The following XPNPEP2 variants were observed in gnomAD, a reference collection of about 807,000 sequenced individuals.
XPNPEP2 encodes the protein xaa-Pro aminopeptidase 2.
Under a neutral mutation model 59.8 loss-of-function variants are expected in XPNPEP2, and 64 were observed. The observed-to-expected ratio is 1.07, with a 90% confidence interval of 0.87 to 1.32. The LOEUF (loss-of-function observed/expected upper bound fraction) is 1.32, where lower values mean the gene tolerates loss of function less well. Ranked by LOEUF, XPNPEP2 falls within the 40% of genes most tolerant of loss-of-function variation. The pLI, the probability that XPNPEP2 is intolerant of heterozygous loss-of-function variation, is 0.00. For synonymous variants in XPNPEP2, 235 were observed against 210.0 expected, an observed-to-expected ratio of 1.12 and a Z score of -1.03; for missense variants, 575 against 546.8, an observed-to-expected ratio of 1.05 and a Z score of -0.51.
chrX:129,764,919 A>G (rs983488616), intron 19 of XPNPEP2, among the ~76,000 whole-genome samples: 1 of 111,321 alleles, frequency 9.0e-6, no homozygotes, highest in African/African-American at 3.3e-5. Flanking sequence ...AGCCAAGATC[A>G]CACCACTGCA....
chrX:129,740,957 G>C (rs1040466657), intron 1 of XPNPEP2, among the ~76,000 whole-genome samples: 1 of 107,303 alleles, frequency 9.3e-6, no homozygotes, highest in Non-Finnish European at 1.9e-5. Context: ...AAAAAAAGGA[G>C]GGGGGGCGGG....
chrX:129,756,574 C>T lies in XPNPEP2; in HGVS notation c.1367+19C>T, dbSNP rs753321203. 2.5e-6 allele frequency: 3 copies of T among 1,204,896 alleles called. No individual in the cohort carries two copies. Among genetic ancestry groups the T allele is most frequent in the Non-Finnish European group, 3.4e-6 (3 of 889,435 alleles). On this transcript the variant is annotated intron_variant, in intron 14 of 20. Coordinates refer to ENST00000371106, the MANE Select transcript of XPNPEP2 (RefSeq NM_003399.6). ...AGTACTGGTATGTACCCCGACCTCA[C>T]CCTAGCCTGGATGTCTCTGCTCAGA...
chrX:129,751,535 G>GAAGA (rs1178245774), intron 8 of XPNPEP2, among the ~76,000 whole-genome samples: 761 of 50,834 alleles, frequency 0.015, 32 homozygotes, highest in Non-Finnish European at 0.02. Flanking sequence ...AGAAAGAAAG[G>GAAGA]AAGAAAGAAA....
intron 17 of XPNPEP2, 48 bp downstream of exon 17, chrX:129,761,324 C>A (rs769516460): frequency 1.9e-6 from 2 of 1,047,015 alleles, no homozygotes; most frequent in African/African-American, 3.7e-5. Context: ...TTTATTATAC[C>A]CTCTATGAAG....
intron 12 of XPNPEP2, among the ~76,000 whole-genome samples, chrX:129,754,920 C>T (rs1434475993): frequency 9.0e-6 from 1 of 111,532 alleles, no homozygotes; most frequent in Non-Finnish European, 1.9e-5. Context: ...CTTGAGAATA[C>T]CAGGTAGGGA....
chrX:129,743,928 T>C, intron 2 of XPNPEP2, 33 bp from the exon 3 acceptor site: 1 of 1,167,094 alleles, frequency 8.6e-7, no homozygotes, highest in Non-Finnish European at 1.2e-6. Context: ...TATCTGTTTG[T>C]TTGTGTCTCA....
chrX:129,743,076 C>T (rs1926228077), intron 2 of XPNPEP2, among the ~76,000 whole-genome samples: 1 of 112,000 alleles, frequency 8.9e-6, no homozygotes, highest in Admixed American at 9.4e-5. Flanking sequence ...AAGGGGTAGG[C>T]ATGCCAGCAG....
intron 12 of XPNPEP2, 140 bp downstream of exon 12, chrX:129,754,721 A>G (rs1926486016): frequency 1.8e-6 from 1 of 549,930 alleles, no homozygotes; most frequent in Non-Finnish European, 2.9e-6. Flanking sequence ...GCTCTGGAGA[A>G]CAAGGAGTGA....
intron 14 of XPNPEP2, among the ~76,000 whole-genome samples, chrX:129,757,789 A>G (rs1477785869): frequency 2.1e-5 from 2 of 95,636 alleles, no homozygotes; most frequent in Non-Finnish European, 4.1e-5. Context: ...GAGCAAGACT[A>G]TAAAAGGAAG....
chrX:129,767,893 A>G (rs770496689), intron 20 of XPNPEP2, among the ~76,000 whole-genome samples: 57 of 110,906 alleles, frequency 5.1e-4, no homozygotes, highest in South Asian at 1.5e-3. Context: ...AGCCTGCCCA[A>G]CCCCAGGTAG....
Position 129,767,976 on chromosome X carries a change from C to T in XPNPEP2, c.1830+284C>T, listed in dbSNP as rs151104613. ...CAAGGCCTGGAACTATAAGTGATCC[C>T]TTCTATTCTTTTGCCTCAGTCTCCT... On this transcript the variant is annotated intron_variant, in intron 20 of 20. Coordinates refer to ENST00000371106, the MANE Select transcript of XPNPEP2 (RefSeq NM_003399.6). Among the ~76,000 whole-genome samples the T allele has an allele frequency of 3.3e-3, 366 of 111,913 alleles. 1 individual carries two copies. Among genetic ancestry groups the T allele is most frequent in the African/African-American group, 0.012 (357 of 30,801 alleles).
At chrX:129,742,015 G>A in intron 1 of XPNPEP2, 93 bp from the exon 2 acceptor site, 1 of 821,472 alleles carries the variant, frequency 1.2e-6, no homozygotes, top group Non-Finnish European at 1.8e-6. Context: ...TCAAAGGATG[G>A]AGGCCCCGTG....
In XPNPEP2 at chrX:129,768,566, C is replaced by A. The variant is rs935015268; in HGVS notation, c.*81C>A. 5 of 872,992 alleles carry A rather than the reference C, an allele frequency of 5.7e-6. No individual in the cohort carries two copies. In the East Asian group the frequency reaches 1.8e-4, roughly 32 times the overall value. 71.9% of individuals were successfully genotyped at this position (872,992 alleles called of 1,213,427 possible). A position where few individuals can be genotyped will look rare whatever the true frequency, so the allele number is the denominator to read the frequency against. Reference sequence around the variant, plus strand: ...CTCCCCTCACCCTGCACTGAACATACCCCAAGAGCCCCTGCTGGCCCATTG... The same window carrying A: ...CTCCCCTCACCCTGCACTGAACATAACCCAAGAGCCCCTGCTGGCCCATTG... On this transcript the variant is annotated 3_prime_UTR_variant, in exon 21 of 21. Coordinates refer to ENST00000371106, the MANE Select transcript of XPNPEP2 (RefSeq NM_003399.6).
At chrX:129,739,980 T>C (rs964265417) in intron 1 of XPNPEP2, among the ~76,000 whole-genome samples, 2 of 112,461 alleles carry the variant, frequency 1.8e-5, no homozygotes, top group African/African-American at 6.5e-5. Context: ...CAGGGCCTGA[T>C]CAGTCACTCA....
At chrX:129,759,334 C>G in intron 15 of XPNPEP2, 94 bp downstream of exon 15, 1 of 1,076,539 alleles carries the variant, frequency 9.3e-7, no homozygotes, top group Admixed American at 2.3e-5. Context: ...AAAACTGAAG[C>G]TCAGAGAGGT....
chrX:129,739,675 G>A (rs1169421433), intron 1 of XPNPEP2, among the ~76,000 whole-genome samples: 4 of 111,794 alleles, frequency 3.6e-5, no homozygotes, highest in African/African-American at 6.5e-5. Context: ...TTGCTAAACC[G>A]ACTGAACAGC....
chrX:129,742,494 G>T (rs777001921), intron 2 of XPNPEP2, among the ~76,000 whole-genome samples: 2 of 109,418 alleles, frequency 1.8e-5, no homozygotes, highest in East Asian at 5.7e-4. Flanking sequence ...AGGAGGGCAG[G>T]AGGCCCCTAA....
intron 2 of XPNPEP2, among the ~76,000 whole-genome samples, chrX:129,742,990 C>T (rs1411938553): frequency 1.8e-5 from 2 of 111,827 alleles, no homozygotes; most frequent in South Asian, 3.7e-4. Context: ...GAGGAAAAGG[C>T]CCAGCAGAAG....
At chrX:129,758,767 T>C (rs1602908966) in intron 14 of XPNPEP2, among the ~76,000 whole-genome samples, 1 of 112,052 alleles carries the variant, frequency 8.9e-6, no homozygotes, top group African/African-American at 3.2e-5. Context: ...TATCTGAATA[T>C]GAGAGTGTTA....
Sources: gnomAD v4.1 joint callset for allele counts (sites outside exome capture counted in the v4.1 genomes callset) on GRCh38, gnomAD v4.1.1 for gene constraint, MANE v1.5 for transcripts, NCBI Gene and HGNC (gene_info 2026-07-23, HGNC 2026-07-21) for gene names.